The following CNOT4 variants were observed in gnomAD, a reference collection of about 807,000 sequenced individuals.
The protein encoded by CNOT4 is CCR4-associated factor 4.
CNOT4 carries 8 observed loss-of-function variants against 73.8 expected under a neutral mutation model. The observed-to-expected ratio is 0.11, with a 90% CI of 0.06 to 0.20. CNOT4 has a LOEUF of 0.20. CNOT4 is among the 10% of genes least tolerant of loss of function. The pLI is 1.00. For missense variants in CNOT4, 564 were observed against 883.4 expected, an observed-to-expected ratio of 0.64 and a Z score of 4.58; for synonymous variants, 293 against 321.1, an observed-to-expected ratio of 0.91 and a Z score of 0.94.
intron 1 of CNOT4, among the ~76,000 whole-genome samples, chr7:135,472,691 C>T (rs983984391): frequency 1.5e-4 from 23 of 150,006 alleles, no homozygotes; most frequent in African/African-American, 5.7e-4. Context: ...ATGCAACACA[C>T]GAATTACACA....
intron 2 of CNOT4, among the ~76,000 whole-genome samples, chr7:135,432,484 C>T (rs1798905538): frequency 6.6e-6 from 1 of 152,164 alleles, no homozygotes; most frequent in South Asian, 2.1e-4. Flanking sequence ...TCTCACAAGA[C>T]ATTTCTCTTT....
intron 2 of CNOT4, among the ~76,000 whole-genome samples, chr7:135,435,843 T>C (rs559466630): frequency 2.0e-5 from 3 of 152,338 alleles, no homozygotes; most frequent in Admixed American, 6.5e-5. Flanking sequence ...TCCTCCAGAA[T>C]GTTTCCATTA....
intron 1 of CNOT4, among the ~76,000 whole-genome samples, chr7:135,466,474 T>C (rs1801229614): frequency 8.0e-6 from 1 of 124,996 alleles, no homozygotes; most frequent in African/African-American, 3.5e-5. Flanking sequence ...CAAGACTGTC[T>C]CAAAAAAAAA....
chr7:135,501,452 A>C (rs561011483), intron 1 of CNOT4, among the ~76,000 whole-genome samples: 1 of 152,344 alleles, frequency 6.6e-6, no homozygotes, highest in Admixed American at 6.5e-5. Flanking sequence ...GAGGGACTAA[A>C]GAGAAGATGG....
At chr7:135,477,486 C>T (rs1415485697) in intron 1 of CNOT4, among the ~76,000 whole-genome samples, 1 of 152,152 alleles carries the variant, frequency 6.6e-6, no homozygotes, top group Non-Finnish European at 1.5e-5. Context: ...TTCTTATAGA[C>T]ACACCCAATA....
At chr7:135,410,175 T>A (rs751629602) in intron 7 of CNOT4, among the ~76,000 whole-genome samples, 1 of 152,106 alleles carries the variant, frequency 6.6e-6, no homozygotes, top group Non-Finnish European at 1.5e-5. Context: ...CCCCTAATTA[T>A]ATCAAGGGGG....
chr7:135,487,758 T>G (rs1301374891), intron 1 of CNOT4, among the ~76,000 whole-genome samples: 1 of 152,152 alleles, frequency 6.6e-6, no homozygotes, highest in African/African-American at 2.4e-5. Context: ...CAAAATATAC[T>G]TTTCGAGCAC....
At chr7:135,481,159 T>C (rs1802355357) in intron 1 of CNOT4, among the ~76,000 whole-genome samples, 1 of 152,010 alleles carries the variant, frequency 6.6e-6, no homozygotes, top group Non-Finnish European at 1.5e-5. Context: ...GATAACCTGT[T>C]GAATGAGAGA....
chr7:135,476,479 A>T (rs1318603723), intron 1 of CNOT4, among the ~76,000 whole-genome samples: 3 of 152,232 alleles, frequency 2.0e-5, no homozygotes, highest in Non-Finnish European at 2.9e-5. Context: ...TATTTAAATA[A>T]ACTAATATTT....
intron 2 of CNOT4, among the ~76,000 whole-genome samples, chr7:135,429,181 T>G (rs148898241): frequency 5.9e-4 from 90 of 152,348 alleles, no homozygotes; most frequent in African/African-American, 2.1e-3. Flanking sequence ...TTCATGACTT[T>G]GTGGAACTTT....
intron 1 of CNOT4, among the ~76,000 whole-genome samples, chr7:135,507,640 T>C (rs899347893): frequency 2.2e-4 from 33 of 152,196 alleles, no homozygotes; most frequent in African/African-American, 8.0e-4. Context: ...TAAAATCACT[T>C]ACTCCCTTCT....
intron 10 of CNOT4, chr7:135,387,008 A>G: frequency 1.2e-6 from 1 of 827,724 alleles, no homozygotes; most frequent in Non-Finnish European, 1.5e-6. Context: ...AGTAAGCATC[A>G]TTACAAGGAG....
intron 1 of CNOT4, among the ~76,000 whole-genome samples, chr7:135,490,379 CACAGGACACTA>C (rs1803028165): frequency 6.6e-6 from 1 of 152,142 alleles, no homozygotes; most frequent in Admixed American, 6.6e-5. Context: ...CAAATGTAGA[CACAGGACACTA>C]ATCTTGGCAG....
intron 1 of CNOT4, among the ~76,000 whole-genome samples, chr7:135,463,978 A>G (rs554569248): frequency 6.8e-6 from 1 of 146,326 alleles, no homozygotes; most frequent in South Asian, 2.2e-4. Flanking sequence ...CAAAACCACA[A>G]TGAGGTATCA....
intron 10 of CNOT4, among the ~76,000 whole-genome samples, chr7:135,371,292 C>A (rs1795194495): frequency 6.6e-6 from 1 of 152,152 alleles, no homozygotes. Context: ...GTGTCCTGGG[C>A]AGGACTCATG....
chr7:135,397,148 A>T (rs1443818749), intron 8 of CNOT4, among the ~76,000 whole-genome samples: 2 of 152,168 alleles, frequency 1.3e-5, no homozygotes, highest in Non-Finnish European at 2.9e-5. Context: ...ACTATATTGC[A>T]TTAAGATAAA....
At chr7:135,399,383 G>A (rs1309226694) in intron 7 of CNOT4, among the ~76,000 whole-genome samples, 4 of 152,032 alleles carry the variant, frequency 2.6e-5, no homozygotes, top group Admixed American at 2.6e-4. Context: ...TGTAACATAA[G>A]GGTAAGCATT....
intron 7 of CNOT4, among the ~76,000 whole-genome samples, chr7:135,401,300 C>T (rs1285752375): frequency 6.6e-6 from 1 of 152,110 alleles, no homozygotes; most frequent in African/African-American, 2.4e-5. Flanking sequence ...AAGAGGGTAA[C>T]TGCTAAGAAA....
In CNOT4 at chr7:135,422,227, C is replaced by T; in HGVS notation, c.301G>A (p.Ala101Thr). The change falls in exon 3 of 12, where the codon GCT (alanine) becomes ACT (threonine). Residue 101 changes from alanine (A) to threonine (T), a missense_variant. Physicochemically the swap from Ala to Thr is moderately conservative, Grantham distance 58 (BLOSUM62 0). Coordinates refer to ENST00000541284, the MANE Select transcript of CNOT4 (RefSeq NM_001190850.2). ...TTTTTTTGTACGACACGTACACTAGCCAAATGTTTGCGATTTTCTGATATT... is the reference window on the plus strand; with the variant it reads ...TTTTTTTGTACGACACGTACACTAGTCAAATGTTTGCGATTTTCTGATATT... ...QKISENRKHLASVRVVQKNLV... is the reference protein window; with the variant it reads ...QKISENRKHLTSVRVVQKNLV... 1 of 1,610,390 alleles carries T rather than the reference C, an allele frequency of 6.2e-7. No homozygotes were observed.
Sources: gnomAD v4.1 joint callset for allele counts (sites outside exome capture counted in the v4.1 genomes callset) on GRCh38, gnomAD v4.1.1 for gene constraint, MANE v1.5 for transcripts, NCBI Gene and HGNC (gene_info 2026-07-23, HGNC 2026-07-21) for gene names.